The following DDX3X variants were observed in gnomAD, a reference collection of about 807,000 sequenced individuals.
DDX3X encodes ATP-dependent RNA helicase DDX3X.
A neutral mutation model predicts 52.7 loss-of-function variants in DDX3X; 4 were observed. That is an observed-to-expected ratio of 0.08 (90% CI 0.04 to 0.17). The LOEUF (loss-of-function observed/expected upper bound fraction) is 0.17. Ranked by LOEUF, DDX3X falls within the 10% of genes least tolerant of loss-of-function variation. The probability of loss-of-function intolerance (pLI) is 1.00; values close to 1 mark genes in which losing one functional copy is unlikely to be tolerated. For missense variants in DDX3X, 222 were observed against 548.6 expected (o/e 0.40, Z 5.95); for synonymous variants, 192 against 178.1 (o/e 1.08, Z -0.62).
In DDX3X at chrX:41,347,653, C is replaced by T; in HGVS notation, c.1923C>T (p.Gly641=). The change falls in exon 17 of 17, where the codon GGC becomes GGT. Residue 641 remains glycine, a synonymous_variant. Transcript: ENST00000644876. The part of the protein sequence containing the change: ...SRGFGGGGYG[G]FYNSDGYGGN... ...ATCTCTCATTAGGTGGCTATGGAGG[C>T]TTTTACAACAGTGATGGATATGGAG... The T allele has an allele frequency of 8.4e-7, 1 of 1,196,175 alleles. No individual in the cohort carries two copies. Among genetic ancestry groups the T allele is most frequent in the Non-Finnish European group, 1.1e-6 (1 of 885,475 alleles).
chrX:41,347,911 A>G lies in DDX3X; in HGVS notation c.*192A>G, dbSNP rs2063947144. ...AAAGGAACAATCAGCAGCCCTGTTC[A>G]GAAGGTGGTTTGAAGACTTCATTGC... is the stretch of plus-strand genomic sequence containing the variant. On this transcript the variant is annotated 3_prime_UTR_variant, in exon 17 of 17. Transcript: ENST00000644876. 2.5e-6 allele frequency: 1 copy of G among 396,775 alleles called. No homozygotes were observed. The highest frequency in any genetic ancestry group is 2.6e-5 in the African/African-American group (1 of 37,960). 32.7% of individuals were successfully genotyped at this position (396,775 alleles called of 1,213,427 possible).
chrX:41,350,476 T>A (rs1056964703), downstream of DDX3X: 5 of 112,256 alleles, frequency 4.5e-5, no homozygotes, highest in Non-Finnish European at 7.5e-5. Flanking sequence ...AATTGGCTTA[T>A]ACTTTGAACA....
intron 5 of DDX3X, among the ~76,000 whole-genome samples, chrX:41,361,314 C>T (rs7052878): frequency 0.5 from 53,534 of 107,442 alleles, 10,396 homozygotes; most frequent in East Asian, 0.96. Flanking sequence ...AGATCAAGAA[C>T]ATCCTGGCCA....
chrX:41,347,278 C>T (rs2063938815), intron 15 of DDX3X, 34 bp from the exon 16 acceptor site: 3 of 1,179,064 alleles, frequency 2.5e-6, no homozygotes, highest in South Asian at 1.8e-5. Flanking sequence ...GGAATTTCAT[C>T]TTCATGTGAA....
Position 41,346,754 on chromosome X carries a change from A to AT in DDX3X, c.1616-103dup, listed in dbSNP as rs762475552. ...TTTTGCTCAAAGCACTTGTTTAAAT[A>AT]TTACGTGGTAATATTTTAAATATTT... On this transcript the variant is annotated intron_variant, in intron 14 of 16. Coordinates refer to ENST00000644876, the MANE Select transcript of DDX3X (RefSeq NM_001356.5). 18 of 959,533 alleles carry AT rather than the reference A, an allele frequency of 1.9e-5. No homozygotes were observed. In the African/African-American group the frequency reaches 3.1e-4, roughly 17 times the overall value. The allele number at this position is 959,533 out of a possible 1,213,427, so 79.1% of individuals were successfully genotyped here.
intron 7 of DDX3X, 160 bp downstream of exon 7, chrX:41,343,511 C>A: frequency 1.8e-6 from 1 of 544,260 alleles, no homozygotes; most frequent in African/African-American, 2.3e-5. Context: ...TTGGTTACGG[C>A]TGTATTCCGT....
At chrX:41,334,638 G>C in intron 1 of DDX3X, 1 of 1,075,160 alleles carries the variant, frequency 9.3e-7, no homozygotes, top group Non-Finnish European at 1.2e-6. Flanking sequence ...GTTTGCGGGA[G>C]TGCGCAGCGC....
chrX:41,346,473 G>T (rs772537346), intron 13 of DDX3X, 32 bp from the exon 14 acceptor site: 2 of 1,188,420 alleles, frequency 1.7e-6, no homozygotes, highest in Non-Finnish European at 2.3e-6. Flanking sequence ...TTTCTTTTAA[G>T]TGGGCCATAT....
intron 5 of DDX3X, among the ~76,000 whole-genome samples, chrX:41,360,794 G>A (rs898374451): frequency 3.6e-5 from 4 of 109,756 alleles, no homozygotes; most frequent in African/African-American, 1.0e-4. Context: ...GGAACCTAGC[G>A]CTTGTGGTTG....
chrX:41,346,422 C>T lies in DDX3X; in HGVS notation c.1497+12C>T. On this transcript the variant is annotated intron_variant, in intron 13 of 16. Coordinates refer to ENST00000644876, the MANE Select transcript of DDX3X (RefSeq NM_001356.5). ...TAGTGGCTACAGCAGTATGTATAAA[C>T]ATCTTTCTTTTATTCAAATTGAGCA... The T allele has an allele frequency of 3.3e-6, 4 of 1,204,353 alleles. No individual in the cohort carries two copies. Among genetic ancestry groups the T allele is most frequent in the South Asian group, 1.8e-5 (1 of 55,955 alleles).
At chrX:41,347,141 A>G in intron 15 of DDX3X, 129 bp downstream of exon 15, 1 of 934,460 alleles carries the variant, frequency 1.1e-6, no homozygotes, top group Non-Finnish European at 1.5e-6. Flanking sequence ...TAGGCTTCCT[A>G]GATTCTTTGG....
At chrX:41,343,081 C>CA in intron 6 of DDX3X, 135 bp from the exon 7 acceptor site, 1 of 837,439 alleles carries the variant, frequency 1.2e-6, no homozygotes, top group Non-Finnish European at 1.7e-6. Context: ...TGGTTTTTCT[C>CA]AAAGTATAAT....
intron 1 of DDX3X, chrX:41,336,712 C>T (rs2063775620): frequency 8.9e-6 from 1 of 111,733 alleles, no homozygotes; most frequent in African/African-American, 3.3e-5. Context: ...GAATTCCAGC[C>T]TGGATGACAG....
At chrX:41,340,235 T>G (rs1349088778) in intron 3 of DDX3X, 1 of 112,145 alleles carries the variant, frequency 8.9e-6, no homozygotes, top group African/African-American at 3.2e-5. Context: ...TAGGGGAGGT[T>G]ACTTTGGAAT....
chrX:41,342,265 CT>C, intron 4 of DDX3X: 2 of 359,184 alleles, frequency 5.6e-6, no homozygotes, highest in Admixed American at 5.2e-5. Context: ...TCTGTGAGGC[CT>C]TTTAGGCTAT....
At chrX:41,350,692 AG>A (rs1027587075), downstream of DDX3X, 2 of 111,358 alleles carry the variant, frequency 1.8e-5, no homozygotes, top group African/African-American at 6.5e-5. Context: ...TTGGAAGCTG[AG>A]GGGCAGGAAG....
At chrX:41,338,989 G>A (rs1182029347) in intron 2 of DDX3X, 47 bp from the exon 3 acceptor site, 1 of 602,733 alleles carries the variant, frequency 1.7e-6, no homozygotes, top group South Asian at 5.8e-5. Context: ...TAAATGGGAA[G>A]GTTTTTTGGC....
intron 2 of DDX3X, chrX:41,338,419 G>T (rs1393212833): frequency 9.0e-6 from 1 of 111,430 alleles, no homozygotes; most frequent in Non-Finnish European, 1.9e-5. Flanking sequence ...AAAATGACAC[G>T]TTTACTAGTT....
Position 41,336,977 on chromosome X carries a change from C to T in DDX3X, c.46-431C>T, listed in dbSNP as rs183778240. On this transcript the variant is annotated intron_variant, in intron 1 of 16. Coordinates refer to ENST00000644876, the MANE Select transcript of DDX3X (RefSeq NM_001356.5). ...TTTAGGTTTAAAATATCAAGTATTA[C>T]GGAAAGTTGGCATTGGAAACTTTCA... Among the ~76,000 whole-genome samples, 523 of 112,089 alleles carry T rather than the reference C, an allele frequency of 4.7e-3. 5 individuals are homozygous for T. The highest frequency in any genetic ancestry group is 0.016 in the African/African-American group (488 of 30,906).
Sources: gnomAD v4.1 joint callset for allele counts (sites outside exome capture counted in the v4.1 genomes callset) on GRCh38, gnomAD v4.1.1 for gene constraint, MANE v1.5 for transcripts, NCBI Gene and HGNC (gene_info 2026-07-23, HGNC 2026-07-21) for gene names.